The following ATAD1 variants were observed in gnomAD, a reference collection of about 807,000 sequenced individuals.
ATAD1 encodes the protein outer mitochondrial transmembrane helix translocase.
In ATAD1, 18 loss-of-function variants were observed where a neutral mutation model predicts 42.7. The ratio of observed to expected loss-of-function variants is 0.42; its 90% CI spans 0.29 to 0.63. The LOEUF is 0.63. ATAD1 is among the 20% of genes least tolerant of loss of function. ATAD1 has a pLI of 0.19. For synonymous variants in ATAD1, 132 were observed against 143.1 expected (o/e 0.92, Z 0.55); for missense variants, 294 against 440.4 (o/e 0.67, Z 2.98).
At chr10:87,763,105 A>G (rs960686281) in intron 8 of ATAD1, among the ~76,000 whole-genome samples, 1 of 145,844 alleles carries the variant, frequency 6.9e-6, no homozygotes, top group African/African-American at 2.5e-5. Context: ...AAAAAAAAAA[A>G]GGCAAAATAT....
At chr10:87,755,913 T>TA (rs2131748132) in intron 9 of ATAD1, among the ~76,000 whole-genome samples, 1 of 152,130 alleles carries the variant, frequency 6.6e-6, no homozygotes, top group South Asian at 2.1e-4. Context: ...AAAAAAAGAA[T>TA]AAAACCTTTG....
intron 2 of ATAD1, among the ~76,000 whole-genome samples, chr10:87,807,702 A>G (rs1488408044): frequency 6.6e-6 from 1 of 152,164 alleles, no homozygotes; most frequent in Non-Finnish European, 1.5e-5. Context: ...TATAAAAATA[A>G]TAGGAAACAC....
In ATAD1 at chr10:87,815,145, G is replaced by A. The variant is rs12252040; in HGVS notation, c.-13-533C>T. 8.0e-3 allele frequency among the ~76,000 whole-genome samples: 1,224 copies of A among 152,110 alleles called. 10 individuals are homozygous for A. The highest frequency in any genetic ancestry group is 0.028 in the African/African-American group (1,167 of 41,530). ...TAAATTTAAACATGCCATTTCCTCA[G>A]TAATAAGTGGTATTAACTTTTTTGA... On this transcript the variant is annotated intron_variant, in intron 1 of 9. Transcript: ENST00000680024.
intron 2 of ATAD1, among the ~76,000 whole-genome samples, chr10:87,813,113 A>G (rs1438229450): frequency 6.6e-6 from 1 of 152,210 alleles, no homozygotes; most frequent in Non-Finnish European, 1.5e-5. Context: ...GGCTTGTAGT[A>G]CTTAGCATCT....
intron 8 of ATAD1, among the ~76,000 whole-genome samples, chr10:87,758,464 C>T (rs149756016): frequency 1.7e-3 from 257 of 152,028 alleles, no homozygotes; most frequent in Non-Finnish European, 2.8e-3. Context: ...ATGAATGAAT[C>T]CAAATTTATG....
chr10:87,809,846 A>T (rs2132042251), intron 2 of ATAD1, among the ~76,000 whole-genome samples: 1 of 151,946 alleles, frequency 6.6e-6, no homozygotes, highest in South Asian at 2.1e-4. Context: ...GGGTTTCACA[A>T]TGTTGGCCAG....
At chr10:87,756,965 A>G (rs766696344) in intron 8 of ATAD1, 43 bp from the exon 9 acceptor site, 3 of 1,501,058 alleles carry the variant, frequency 2.0e-6, no homozygotes, top group South Asian at 2.7e-5. Context: ...AAAAATAAAT[A>G]TATTGTAAAT....
intron 5 of ATAD1, among the ~76,000 whole-genome samples, chr10:87,779,739 C>T (rs1923263): frequency 0.05 from 7,680 of 152,136 alleles, 272 homozygotes; most frequent in South Asian, 0.14. Context: ...CATGTCATTA[C>T]GAAAATGCAA....
At chr10:87,833,756 C>G (rs898522734) in intron 1 of ATAD1, among the ~76,000 whole-genome samples, 1 of 98,230 alleles carries the variant, frequency 1.0e-5, no homozygotes, top group Non-Finnish European at 1.9e-5. Context: ...TTGATAGAGT[C>G]TTGCTCTGTA....
chr10:87,767,765 T>A, intron 7 of ATAD1, 42 bp from the exon 8 acceptor site: 1 of 1,554,738 alleles, frequency 6.4e-7, no homozygotes, highest in Non-Finnish European at 8.7e-7. Context: ...TTATTTTTTA[T>A]TTTTTTAAAA....
At chr10:87,761,584 C>T (rs932173302) in intron 8 of ATAD1, among the ~76,000 whole-genome samples, 1 of 152,092 alleles carries the variant, frequency 6.6e-6, no homozygotes, top group East Asian at 1.9e-4. Context: ...ATCACTTGAG[C>T]CCAGGGAGGC....
intron 2 of ATAD1, among the ~76,000 whole-genome samples, chr10:87,799,355 C>T (rs1363489120): frequency 6.6e-6 from 1 of 152,166 alleles, no homozygotes. Flanking sequence ...ATGAAAATAG[C>T]TACATCTTGA....
At chr10:87,761,073 T>TAA (rs937034220) in intron 8 of ATAD1, among the ~76,000 whole-genome samples, 1 of 147,234 alleles carries the variant, frequency 6.8e-6, no homozygotes, top group Non-Finnish European at 1.5e-5. Flanking sequence ...CATGTGAATT[T>TAA]AAAAAAAAAA....
intron 2 of ATAD1, among the ~76,000 whole-genome samples, chr10:87,795,107 T>G (rs1856318715): frequency 6.6e-6 from 1 of 152,116 alleles, no homozygotes; most frequent in Non-Finnish European, 1.5e-5. Context: ...TCAGAGAAAT[T>G]AAAAGAAATG....
chr10:87,826,945 T>G (rs1447603477), intron 1 of ATAD1, among the ~76,000 whole-genome samples: 1 of 152,074 alleles, frequency 6.6e-6, no homozygotes. Flanking sequence ...GTCTCTCTAG[T>G]GTTACCCCAT....
intron 1 of ATAD1, among the ~76,000 whole-genome samples, chr10:87,837,670 G>GCT (rs1284651037): frequency 6.6e-6 from 1 of 152,132 alleles, no homozygotes; most frequent in Non-Finnish European, 1.5e-5. Context: ...GAAATCTAGT[G>GCT]CTTTAGTTAC....
At chr10:87,799,329 C>T (rs1240390549) in intron 2 of ATAD1, among the ~76,000 whole-genome samples, 3 of 152,126 alleles carry the variant, frequency 2.0e-5, no homozygotes, top group Admixed American at 1.3e-4. Flanking sequence ...ATAAATAAGA[C>T]ATTGATATTG....
At chr10:87,763,151 T>C (rs1460119035) in intron 8 of ATAD1, among the ~76,000 whole-genome samples, 1 of 150,890 alleles carries the variant, frequency 6.6e-6, no homozygotes, top group Non-Finnish European at 1.5e-5. Flanking sequence ...CAAAGTTCCT[T>C]ACCTAAAAAA....
At position 87,757,969 on chromosome 10, in the gene ATAD1, A is replaced by T. The variant is rs139421174; in HGVS notation, c.832-1047T>A. ...GAAGATAAATCATGTTTTTTGATAAAAAGAAACTGAACCCAGAGGGCAGGA... is the reference window on the plus strand; with the variant it reads ...GAAGATAAATCATGTTTTTTGATAATAAGAAACTGAACCCAGAGGGCAGGA... On this transcript the variant is annotated intron_variant, in intron 8 of 9. Transcript: ENST00000680024. Among the ~76,000 whole-genome samples the T allele has an allele frequency of 6.6e-4, 101 of 152,316 alleles. 2 individuals are homozygous for T. In the East Asian group the frequency reaches 0.012, roughly 18 times the overall value.
Sources: gnomAD v4.1 joint callset for allele counts (sites outside exome capture counted in the v4.1 genomes callset) on GRCh38, gnomAD v4.1.1 for gene constraint, MANE v1.5 for transcripts, NCBI Gene and HGNC (gene_info 2026-07-23, HGNC 2026-07-21) for gene names.